Variants in SLC47A2 observed in about 807,000 individuals in gnomAD.
SLC47A2 encodes the protein multidrug and toxin extrusion protein 2.
Under a neutral mutation model 67.7 loss-of-function variants are expected in SLC47A2, and 52 were observed. That is an observed-to-expected ratio of 0.77 (90% CI 0.61 to 0.97). SLC47A2 has a LOEUF of 0.97. Among genes scored for constraint, SLC47A2 ranks in the 50% least tolerant of loss-of-function variants. The pLI, the probability that SLC47A2 is intolerant of heterozygous loss-of-function variation, is 0.00. For missense variants in SLC47A2, 676 were observed against 712.3 expected, an observed-to-expected ratio of 0.95 and a Z score of 0.58; for synonymous variants, 278 against 292.9, an observed-to-expected ratio of 0.95 and a Z score of 0.52.
chr17:19,697,106 A>T (rs1382474449), intron 13 of SLC47A2, among the ~76,000 whole-genome samples: 2 of 152,172 alleles, frequency 1.3e-5, no homozygotes, highest in East Asian at 3.9e-4. Flanking sequence ...CCTGGCTAAC[A>T]CGGTGAAACC....
At chr17:19,707,537 A>C (rs2085973180) in intron 8 of SLC47A2, among the ~76,000 whole-genome samples, 1 of 152,160 alleles carries the variant, frequency 6.6e-6, no homozygotes, top group Admixed American at 6.5e-5. Flanking sequence ...TGATGGACCC[A>C]GCAGGGCTCT....
intron 15 of SLC47A2, 44 bp downstream of exon 15, chr17:19,681,323 C>G: frequency 6.7e-7 from 1 of 1,502,142 alleles, no homozygotes; most frequent in Non-Finnish European, 9.0e-7. Context: ...CTGCTGGGGT[C>G]AGGTGCAGGG....
At chr17:19,681,335 G>T in intron 15 of SLC47A2, 32 bp downstream of exon 15, 1 of 1,549,820 alleles carries the variant, frequency 6.5e-7, no homozygotes, top group Non-Finnish European at 8.7e-7. Context: ...GGTGCAGGGT[G>T]TCTTGTGGCC....
intron 9 of SLC47A2, among the ~76,000 whole-genome samples, chr17:19,706,349 G>A (rs547253932): frequency 1.2e-4 from 18 of 152,266 alleles, no homozygotes; most frequent in African/African-American, 3.1e-4. Flanking sequence ...CACCTCCCAC[G>A]GGCACCTGCT....
intron 13 of SLC47A2, among the ~76,000 whole-genome samples, chr17:19,688,394 C>T (rs566144256): frequency 2.2e-3 from 223 of 102,356 alleles, no homozygotes; most frequent in African/African-American, 6.8e-3. Flanking sequence ...AACAGACCCA[C>T]AGCTAGTATC....
chr17:19,678,537 C>T lies in SLC47A2; in HGVS notation c.*149G>A. On this transcript the variant is annotated 3_prime_UTR_variant, in exon 17 of 17. Coordinates refer to ENST00000433844, the MANE Select transcript of SLC47A2 (RefSeq NM_001099646.3). ...CTGTTCAGACCCCTCTGAGTGTCACCACAAGGAATCAGCCAAAGTTCTTTT... is the reference window on the plus strand; with the variant it reads ...CTGTTCAGACCCCTCTGAGTGTCACTACAAGGAATCAGCCAAAGTTCTTTT... 1.3e-6 allele frequency: 1 copy of T among 747,428 alleles called. No individual in the cohort carries two copies. Among genetic ancestry groups the T allele is most frequent in the Admixed American group, 2.6e-5 (1 of 37,888 alleles). 46.3% of individuals were successfully genotyped at this position (747,428 alleles called of 1,614,324 possible). A position where few individuals can be genotyped will look rare whatever the true frequency, so the allele number is the denominator to read the frequency against.
chr17:19,718,250 C>T (rs1459112706), upstream of SLC47A2: 1 of 152,330 alleles, frequency 6.6e-6, no homozygotes. Context: ...CTGTCACCTC[C>T]TGTCGCAGCA....
Position 19,713,883 on chromosome 17 carries a change from G to T in SLC47A2, c.385C>A (p.Leu129Ile). 6.2e-7 allele frequency: 1 copy of T among 1,613,844 alleles called. No individual in the cohort carries two copies. Among genetic ancestry groups the T allele is most frequent in the Non-Finnish European group, 8.5e-7 (1 of 1,179,934 alleles). ...AGGATGTGCTGGGTGTTGAGGAAGAGCGCCCAGCAAGGGAGGCAGCAGAGG... is the reference window on the plus strand; with the variant it reads ...AGGATGTGCTGGGTGTTGAGGAAGATCGCCCAGCAAGGGAGGCAGCAGAGG... ...LLLCCLPCWA[L>I]FLNTQHILLL... Residue 129 changes from leucine (L) to isoleucine (I), a missense_variant, in exon 4 of 17, where the codon CTC becomes ATC. Leu to Ile is a conservative substitution (Grantham distance 5). Transcript: ENST00000433844.
intron 10 of SLC47A2, chr17:19,704,538 A>G (rs1205857143): frequency 1.3e-5 from 14 of 1,114,832 alleles, no homozygotes; most frequent in Non-Finnish European, 1.7e-5. Context: ...AAGAAAAAAG[A>G]TATTTCAGCA....
intron 13 of SLC47A2, among the ~76,000 whole-genome samples, chr17:19,688,885 A>G (rs896870716): frequency 6.8e-6 from 1 of 147,236 alleles, no homozygotes; most frequent in African/African-American, 2.5e-5. Context: ...TTTTTTTAAG[A>G]GAGAGGGTCT....
Position 19,713,822 on chromosome 17 carries a change from C to T in SLC47A2, c.443+3G>A, listed in dbSNP as rs1274229192. ...CCACCTCCCCAGCCGGAGCCCAGCG[C>T]ACCTGGACACGTCCGGGTCCTGCCG... is the stretch of plus-strand genomic sequence containing the variant. On this transcript the variant is annotated splice_donor_region_variant and intron_variant, in intron 4 of 16. Coordinates refer to ENST00000433844, the MANE Select transcript of SLC47A2 (RefSeq NM_001099646.3). 1 of 1,610,100 alleles carries T rather than the reference C, an allele frequency of 6.2e-7. No individual in the cohort carries two copies. Among genetic ancestry groups the T allele is most frequent in the Non-Finnish European group, 8.5e-7 (1 of 1,178,322 alleles).
rs969699076 is a variant in SLC47A2 at position 19,716,295 on chromosome 17, G to A, written c.123+138C>T. 3.0e-6 allele frequency: 4 copies of A among 1,347,284 alleles called. No homozygotes were observed. The African/African-American group carries it at 5.9e-5, about 20-fold the overall frequency. The allele number at this position is 1,347,284 out of a possible 1,614,324, so 83.5% of individuals were successfully genotyped here. ...TTCAGGAGCCATCCTGCTGTCCCCA[G>A]ACTCTGGACCTGGCAGTCAACATGG... On this transcript the variant is annotated intron_variant, in intron 1 of 16. Coordinates refer to ENST00000433844, the MANE Select transcript of SLC47A2 (RefSeq NM_001099646.3).
chr17:19,705,206 A>C, intron 10 of SLC47A2: 1 of 494,954 alleles, frequency 2.0e-6, no homozygotes, highest in Admixed American at 3.9e-5. Context: ...ATTAATTTTT[A>C]AAATTCCAAC....
chr17:19,705,756 C>T (rs964426824), intron 9 of SLC47A2, among the ~76,000 whole-genome samples: 2 of 152,112 alleles, frequency 1.3e-5, no homozygotes, highest in African/African-American at 2.4e-5. Context: ...TGCCACCACA[C>T]CCAGCTAATT....
At chr17:19,689,314 A>AT (rs2085490940) in intron 13 of SLC47A2, among the ~76,000 whole-genome samples, 1 of 152,238 alleles carries the variant, frequency 6.6e-6, no homozygotes, top group Non-Finnish European at 1.5e-5. Context: ...GCATTTCTGT[A>AT]TGCCAACAGC....
At chr17:19,705,042 G>A (rs2085893399) in intron 10 of SLC47A2, 1 of 329,832 alleles carries the variant, frequency 3.0e-6, no homozygotes, top group African/African-American at 2.1e-5. Flanking sequence ...GCCCAGGTTG[G>A]TCTTGAACTC....
chr17:19,712,769 G>C, intron 4 of SLC47A2, 24 bp from the exon 5 acceptor site: 3 of 1,610,494 alleles, frequency 1.9e-6, no homozygotes, highest in South Asian at 2.2e-5. Context: ...AGAAGCTCCG[G>C]AGCTGACCAG....
At chr17:19,703,051 T>C (rs778106029) in intron 12 of SLC47A2, 41 bp downstream of exon 12, 2 of 1,587,078 alleles carry the variant, frequency 1.3e-6, no homozygotes, top group Non-Finnish European at 1.7e-6. Flanking sequence ...GGAACCACTT[T>C]GACATTTTCC....
intron 5 of SLC47A2, among the ~76,000 whole-genome samples, chr17:19,711,058 C>T (rs912626868): frequency 2.0e-5 from 3 of 152,038 alleles, no homozygotes; most frequent in Non-Finnish European, 4.4e-5. Context: ...ATCTGCCTGC[C>T]TCAGCCTCCC....
Sources: allele counts gnomAD v4.1 joint callset (sites outside exome capture counted in the v4.1 genomes callset), GRCh38; gene constraint gnomAD v4.1.1; transcripts MANE v1.5; gene names NCBI Gene and HGNC (gene_info 2026-07-23, HGNC 2026-07-21).